LMF1: variants seen among roughly 807,000 people sequenced by gnomAD.
LMF1 encodes transmembrane protein 112.
A neutral mutation model predicts 60.6 loss-of-function variants in LMF1; 68 were observed. The observed-to-expected ratio is 1.12, with a 90% confidence interval of 0.92 to 1.37. LMF1 has a LOEUF of 1.37. Ranked by LOEUF, LMF1 falls within the 40% of genes most tolerant of loss-of-function variation. The pLI is 0.00. For synonymous variants in LMF1, 418 were observed against 324.7 expected, an observed-to-expected ratio of 1.29 and a Z score of -3.09; for missense variants, 948 against 767.2, an observed-to-expected ratio of 1.24 and a Z score of -2.78.
At chr16:870,162 G>T in intron 8 of LMF1, 96 bp from the exon 9 acceptor site, 1 of 1,387,298 alleles carries the variant, frequency 7.2e-7, no homozygotes, top group Non-Finnish European at 9.7e-7. Flanking sequence ...GTCCATCCTG[G>T]CCCAGGGGGA....
chr16:857,499 A>C (rs1264535957), intron 10 of LMF1, among the ~76,000 whole-genome samples: 3 of 70,970 alleles, frequency 4.2e-5, no homozygotes, highest in Admixed American at 1.4e-4. Flanking sequence ...GACGGGTGTG[A>C]GTGGTGTCTC....
chr16:936,004 C>T (rs1467925976), intron 2 of LMF1, among the ~76,000 whole-genome samples: 3 of 152,358 alleles, frequency 2.0e-5, no homozygotes, highest in Non-Finnish European at 2.9e-5. Flanking sequence ...ATCCCTTACC[C>T]GGTAGAGGTC....
At chr16:889,058 T>C (rs956670133) in intron 5 of LMF1, among the ~76,000 whole-genome samples, 3 of 152,176 alleles carry the variant, frequency 2.0e-5, no homozygotes, top group Admixed American at 1.3e-4. Context: ...GAGCGGGCCC[T>C]TGGCCTGCGG....
intron 9 of LMF1, chr16:869,533 TTCC>T (rs2151698928): frequency 1.8e-6 from 1 of 569,810 alleles, no homozygotes; most frequent in Non-Finnish European, 3.3e-6. Flanking sequence ...CAATCGATCC[TTCC>T]TCCTCCTGCG....
chr16:928,154 G>GC (rs2071664912), intron 3 of LMF1, among the ~76,000 whole-genome samples: 1 of 152,312 alleles, frequency 6.6e-6, no homozygotes, highest in East Asian at 1.9e-4. Context: ...ACACAGGAGC[G>GC]CCCGTTGCTG....
intron 1 of LMF1, among the ~76,000 whole-genome samples, chr16:964,697 T>C (rs1414938911): frequency 6.6e-6 from 1 of 152,176 alleles, no homozygotes; most frequent in Non-Finnish European, 1.5e-5. Flanking sequence ...GGTTTCATTT[T>C]CTCCTCAAAT....
intron 1 of LMF1, among the ~76,000 whole-genome samples, chr16:960,212 G>A (rs1263608181): frequency 6.6e-6 from 1 of 152,220 alleles, no homozygotes; most frequent in Non-Finnish European, 1.5e-5. Flanking sequence ...GGGGAAGGAG[G>A]GGAAACCCAC....
intron 2 of LMF1, among the ~76,000 whole-genome samples, chr16:936,372 AG>A (rs1455198237): frequency 8.1e-5 from 11 of 135,784 alleles, no homozygotes; most frequent in Non-Finnish European, 1.6e-5. Context: ...GCTAGGAGAG[AG>A]GGGGTACCCC....
chr16:907,111 T>C (rs9934862), intron 4 of LMF1, among the ~76,000 whole-genome samples: 44,151 of 152,202 alleles, frequency 0.29, 8,375 homozygotes, highest in African/African-American at 0.52. Context: ...TATAGAAATA[T>C]AACTGATTTG....
chr16:979,283 G>C (rs956502550), intron 1 of LMF1: 6 of 360,412 alleles, frequency 1.7e-5, no homozygotes, highest in Middle Eastern at 2.0e-3. Flanking sequence ...TCTGGAAGGG[G>C]GGTTTGTGGG....
intron 10 of LMF1, among the ~76,000 whole-genome samples, chr16:864,117 G>A (rs1243091100): frequency 6.6e-6 from 1 of 152,212 alleles, no homozygotes; most frequent in East Asian, 1.9e-4. Flanking sequence ...ATGTTTTGCA[G>A]ATCTGTGCTT....
intron 5 of LMF1, among the ~76,000 whole-genome samples, chr16:889,916 G>A (rs941875245): frequency 6.6e-6 from 1 of 152,184 alleles, no homozygotes; most frequent in Non-Finnish European, 1.5e-5. Flanking sequence ...TGTCCCAGCT[G>A]AGGACCCCTC....
At chr16:967,713 G>A (rs932775754) in intron 1 of LMF1, among the ~76,000 whole-genome samples, 4 of 152,208 alleles carry the variant, frequency 2.6e-5, no homozygotes, top group African/African-American at 7.2e-5. Context: ...GCCCGAGAAC[G>A]CCGCTGCCCA....
chr16:931,469 A>G (rs928356420), intron 3 of LMF1, among the ~76,000 whole-genome samples: 3 of 152,256 alleles, frequency 2.0e-5, no homozygotes, highest in African/African-American at 7.2e-5. Context: ...AGATGGACAC[A>G]GACGCACACG....
chr16:862,444 TATTTAGTA>T (rs1486293208), intron 10 of LMF1, among the ~76,000 whole-genome samples: 1 of 152,188 alleles, frequency 6.6e-6, no homozygotes, highest in East Asian at 1.9e-4. Flanking sequence ...GTGCCCAGTC[TATTTAGTA>T]ATATTTTGTT....
chr16:947,574 C>T (rs1178184389), intron 2 of LMF1: 1 of 456,058 alleles, frequency 2.2e-6, no homozygotes, highest in Admixed American at 2.3e-5. Flanking sequence ...GCTCCAAGGG[C>T]AGCTCCCGCC....
rs1238322357 is a variant in LMF1, at chr16:954,313, G to A, written c.503+44C>T. Reference sequence around the variant, plus strand: ...GACACCTGCAGTGCCTGTGCTGAGTGACAGCAAGCCCTAAGCTCCGACCGC... The same window carrying A: ...GACACCTGCAGTGCCTGTGCTGAGTAACAGCAAGCCCTAAGCTCCGACCGC... On this transcript the variant is annotated intron_variant, in intron 2 of 10. Coordinates refer to ENST00000262301, the MANE Select transcript of LMF1 (RefSeq NM_022773.4). The A allele has an allele frequency of 3.8e-6, 6 of 1,573,574 alleles. No individual in the cohort carries two copies. The South Asian group carries it at 4.6e-5, about 12-fold the overall frequency.
In LMF1 at chr16:879,194, TGAAAG is replaced by T. The variant is rs538272163; in HGVS notation, c.897+371_897+375del. On this transcript the variant is annotated intron_variant, in intron 6 of 10. Transcript: ENST00000262301. ...TTCCCCGTGGACTGACATGAACACT[TGAAAG>T]GAAACCTCTAGAATGGAAGAATCTT... 4.8e-3 allele frequency among the ~76,000 whole-genome samples: 725 copies of T among 152,196 alleles called. 9 individuals are homozygous for T. Among genetic ancestry groups the T allele is most frequent in the African/African-American group, 0.016 (683 of 41,524 alleles).
At chr16:911,761 G>A (rs2071128981) in intron 3 of LMF1, among the ~76,000 whole-genome samples, 1 of 151,840 alleles carries the variant, frequency 6.6e-6, no homozygotes, top group African/African-American at 2.4e-5. Context: ...GTCTCCCTCT[G>A]GCCCTGTCCT....
Sources: allele counts gnomAD v4.1 joint callset (sites outside exome capture counted in the v4.1 genomes callset), GRCh38; gene constraint gnomAD v4.1.1; transcripts MANE v1.5; gene names NCBI Gene and HGNC (gene_info 2026-07-23, HGNC 2026-07-21).